Variants in PTPRD observed in about 807,000 individuals in gnomAD.
PTPRD encodes protein tyrosine phosphatase receptor type D.
A neutral mutation model predicts 214.5 loss-of-function variants in PTPRD; 34 were observed. The observed-to-expected ratio is 0.16, with a 90% CI of 0.12 to 0.21. PTPRD has a LOEUF of 0.21. Among genes scored for constraint, PTPRD ranks in the 10% least tolerant of loss-of-function variants. The pLI is 1.00. For missense variants in PTPRD, 2,545 were observed against 2,398.7 expected (o/e 1.06, Z -1.27); for synonymous variants, 1,128 against 845.7 (o/e 1.33, Z -5.79).
intron 2 of PTPRD, among the ~76,000 whole-genome samples, chr9:10,505,607 G>A (rs2045649654): frequency 6.6e-6 from 1 of 151,910 alleles, no homozygotes; most frequent in African/African-American, 2.4e-5. Flanking sequence ...GTAGTCACCA[G>A]GCATACCATG....
intron 9 of PTPRD, among the ~76,000 whole-genome samples, chr9:9,290,252 G>A (rs901669143): frequency 6.6e-6 from 1 of 151,606 alleles, no homozygotes; most frequent in Non-Finnish European, 1.5e-5. Context: ...TTATTTGTAT[G>A]TCTTCCTTTG....
At chr9:9,020,562 C>A (rs182829888) in intron 10 of PTPRD, among the ~76,000 whole-genome samples, 29 of 152,172 alleles carry the variant, frequency 1.9e-4, no homozygotes, top group Non-Finnish European at 2.9e-5. Flanking sequence ...GTGGCTTGAA[C>A]AACTGAGTGC....
chr9:10,553,440 C>T (rs186615615), intron 2 of PTPRD, among the ~76,000 whole-genome samples: 1 of 151,790 alleles, frequency 6.6e-6, no homozygotes, highest in Admixed American at 6.6e-5. Context: ...ATTCTCATCC[C>T]TGAGTTGTAT....
intron 10 of PTPRD, among the ~76,000 whole-genome samples, chr9:9,103,155 T>A (rs535366138): frequency 6.6e-6 from 1 of 152,336 alleles, no homozygotes; most frequent in East Asian, 1.9e-4. Flanking sequence ...TTATAACTTT[T>A]TATTTGGGTG....
chr9:9,894,323 T>G (rs1050975971), intron 5 of PTPRD, among the ~76,000 whole-genome samples: 6 of 152,062 alleles, frequency 3.9e-5, no homozygotes, highest in Non-Finnish European at 7.4e-5. Flanking sequence ...CCTTTTCACC[T>G]GTGCATTAAG....
chr9:8,670,006 G>C (rs1170994023), intron 12 of PTPRD, among the ~76,000 whole-genome samples: 1 of 150,610 alleles, frequency 6.6e-6, no homozygotes, highest in African/African-American at 2.4e-5. Flanking sequence ...ATAGGGGTCG[G>C]TGTTTTCTGC....
chr9:10,166,822 A>G (rs2099162012), intron 3 of PTPRD, among the ~76,000 whole-genome samples: 1 of 152,130 alleles, frequency 6.6e-6, no homozygotes, highest in Non-Finnish European at 1.5e-5. Context: ...CCCATGCAAT[A>G]AGAGCTTCTG....
chr9:10,283,002 T>C (rs993691484), intron 3 of PTPRD, among the ~76,000 whole-genome samples: 1 of 152,128 alleles, frequency 6.6e-6, no homozygotes, highest in Non-Finnish European at 1.5e-5. Flanking sequence ...TCTGTTCTTT[T>C]GCATGATTTT....
intron 9 of PTPRD, among the ~76,000 whole-genome samples, chr9:9,359,354 G>T (rs571083693): frequency 6.6e-6 from 1 of 151,354 alleles, no homozygotes. Flanking sequence ...GGACTACAAA[G>T]AAATTGATTT....
At chr9:10,479,991 G>A (rs1451310191) in intron 2 of PTPRD, among the ~76,000 whole-genome samples, 1 of 152,174 alleles carries the variant, frequency 6.6e-6, no homozygotes, top group Non-Finnish European at 1.5e-5. Flanking sequence ...TAAAAAGGGA[G>A]AAGTCTGGAG....
chr9:8,898,909 A>G (rs940405805), intron 11 of PTPRD, among the ~76,000 whole-genome samples: 6 of 152,192 alleles, frequency 3.9e-5, no homozygotes, highest in African/African-American at 1.2e-4. Flanking sequence ...TCATGTTTCA[A>G]TCAACTCACT....
chr9:10,077,061 C>T (rs780474681), intron 3 of PTPRD, among the ~76,000 whole-genome samples: 1 of 152,164 alleles, frequency 6.6e-6, no homozygotes, highest in Non-Finnish European at 1.5e-5. Context: ...AGACTTACTA[C>T]AGACACCAAA....
At chr9:10,517,143 T>C (rs1007012126) in intron 2 of PTPRD, among the ~76,000 whole-genome samples, 9 of 152,042 alleles carry the variant, frequency 5.9e-5, no homozygotes, top group African/African-American at 2.2e-4. Context: ...ACTGAATCTG[T>C]AGATAATTTT....
At chr9:8,934,520 A>AATTT (rs1567102052) in intron 11 of PTPRD, among the ~76,000 whole-genome samples, 1 of 17,076 alleles carries the variant, frequency 5.9e-5, no homozygotes, top group Non-Finnish European at 1.1e-4. Context: ...TATATATATA[A>AATTT]ATATATATAT....
intron 12 of PTPRD, among the ~76,000 whole-genome samples, chr9:8,684,561 C>T (rs1565259879): frequency 6.6e-6 from 1 of 152,216 alleles, no homozygotes; most frequent in Admixed American, 6.5e-5. Context: ...TAAAACTAGC[C>T]TCACTCATTT....
At chr9:9,694,482 C>T (rs138974762) in intron 7 of PTPRD, among the ~76,000 whole-genome samples, 7 of 152,008 alleles carry the variant, frequency 4.6e-5, no homozygotes, top group Admixed American at 3.9e-4. Flanking sequence ...GTGGCCACCA[C>T]CACCAGGACT....
intron 11 of PTPRD, among the ~76,000 whole-genome samples, chr9:8,899,334 T>C (rs555433986): frequency 6.6e-6 from 1 of 152,276 alleles, no homozygotes; most frequent in Non-Finnish European, 1.5e-5. Context: ...GGACTCTGTG[T>C]TCCCGTATTT....
chr9:9,792,976 T>A (rs1015994036), intron 5 of PTPRD, among the ~76,000 whole-genome samples: 49 of 152,274 alleles, frequency 3.2e-4, no homozygotes, highest in African/African-American at 1.1e-3. Flanking sequence ...AATCAACACC[T>A]CTGAGAGCAT....
At chr9:9,105,687 G>A (rs2099797502) in intron 10 of PTPRD, among the ~76,000 whole-genome samples, 1 of 152,038 alleles carries the variant, frequency 6.6e-6, no homozygotes, top group Non-Finnish European at 1.5e-5. Context: ...CTAGGAGAGT[G>A]GATTAAACAT....
Sources: gnomAD v4.1 joint callset for allele counts (sites outside exome capture counted in the v4.1 genomes callset) on GRCh38, gnomAD v4.1.1 for gene constraint, MANE v1.5 for transcripts, NCBI Gene and HGNC (gene_info 2026-07-23, HGNC 2026-07-21) for gene names.